HSPA4: variants seen among roughly 807,000 people sequenced by gnomAD.
HSPA4 encodes the protein heat shock 70 kDa protein 4.
HSPA4 carries 25 observed loss-of-function variants against 106.2 expected under a neutral mutation model. The ratio of observed to expected loss-of-function variants is 0.24; its 90% confidence interval spans 0.17 to 0.33. HSPA4 has a LOEUF of 0.33. Among genes scored for constraint, HSPA4 ranks in the 10% least tolerant of loss-of-function variants. The pLI is 1.00. For missense variants in HSPA4, 841 were observed against 996.0 expected, an observed-to-expected ratio of 0.84 and a Z score of 2.10; for synonymous variants, 332 against 333.6, an observed-to-expected ratio of 1.00 and a Z score of 0.05.
chr5:133,061,105 G>A (rs1278241033), intron 1 of HSPA4, among the ~76,000 whole-genome samples: 2 of 150,892 alleles, frequency 1.3e-5, no homozygotes, highest in East Asian at 3.9e-4. Flanking sequence ...CACATGCAGT[G>A]CATACATGTG....
intron 1 of HSPA4, among the ~76,000 whole-genome samples, chr5:133,053,911 C>T (rs1443604538): frequency 6.6e-6 from 1 of 151,894 alleles, no homozygotes; most frequent in Non-Finnish European, 1.5e-5. Context: ...CCTCCCGCCT[C>T]GGCCTCCCAA....
In HSPA4 at chr5:133,096,176, G is replaced by A. The variant is rs768843986; in HGVS notation, c.1729G>A (p.Val577Met). Residue 577 changes from valine to methionine, a missense_variant, in exon 14 of 19, where the codon GTG becomes ATG. Val to Met is a conservative substitution (Grantham distance 21). Coordinates refer to ENST00000304858, the MANE Select transcript of HSPA4 (RefSeq NM_002154.4). ...GAAGGCAAAAGTGAAGACCAGTACT[G>A]TGGACCTGCCAATCGAGAATCAGCT... ...AKKAKVKTST[V>M]DLPIENQLLW... 4.3e-6 allele frequency: 7 copies of A among 1,614,036 alleles called. No homozygotes were observed. The Admixed American group carries it at 1.2e-4, about 27-fold the overall frequency.
At chr5:133,067,651 A>G (rs1045285006) in intron 3 of HSPA4, 94 bp downstream of exon 3, 4 of 1,093,580 alleles carry the variant, frequency 3.7e-6, no homozygotes, top group Admixed American at 4.8e-5. Flanking sequence ...TCAGATTGCA[A>G]TGAAAATGCT....
At chr5:133,053,298 C>A (rs927633497) in intron 1 of HSPA4, among the ~76,000 whole-genome samples, 44 of 137,938 alleles carry the variant, frequency 3.2e-4, no homozygotes, top group Middle Eastern at 3.9e-3. Context: ...GTAAGAAGTT[C>A]TGTATTATTT....
chr5:133,056,667 A>G (rs986809340), intron 1 of HSPA4, among the ~76,000 whole-genome samples: 1 of 152,232 alleles, frequency 6.6e-6, no homozygotes, highest in Admixed American at 6.5e-5. Context: ...GTAGCCTTAC[A>G]TATTTATGTT....
chr5:133,073,959 G>A, intron 5 of HSPA4, 34 bp from the exon 6 acceptor site: 1 of 1,474,276 alleles, frequency 6.8e-7, no homozygotes, highest in Non-Finnish European at 9.1e-7. Context: ...TTACTTAGAC[G>A]TTATTTTTAA....
intron 15 of HSPA4, among the ~76,000 whole-genome samples, chr5:133,097,949 A>G (rs1765735626): frequency 6.7e-6 from 1 of 150,280 alleles, no homozygotes; most frequent in African/African-American, 2.5e-5. Flanking sequence ...TCTTGGGTAC[A>G]GGTGGTTTTT....
chr5:133,102,543 A>C (rs1186631225), intron 17 of HSPA4, among the ~76,000 whole-genome samples: 6 of 152,138 alleles, frequency 3.9e-5, no homozygotes, highest in Admixed American at 3.3e-4. Context: ...ATAAATTCCA[A>C]CTTATTGAAG....
rs755970303 is a variant in HSPA4 at position 133,088,570 on chromosome 5, T to C, written c.1137+15T>C. ...GTGCATTGCAGGTGAATATTCTTTCTTTTATAGGTAACCATTTATAAATCA... is the reference window on the plus strand; with the variant it reads ...GTGCATTGCAGGTGAATATTCTTTCCTTTATAGGTAACCATTTATAAATCA... On this transcript the variant is annotated intron_variant, in intron 9 of 18. Coordinates refer to ENST00000304858, the MANE Select transcript of HSPA4 (RefSeq NM_002154.4). 3 of 1,603,074 alleles carry C rather than the reference T, an allele frequency of 1.9e-6. No homozygotes were observed. The highest frequency in any genetic ancestry group is 2.6e-6 in the Non-Finnish European group (3 of 1,170,330).
chr5:133,093,437 T>C (rs1269549871), intron 13 of HSPA4, among the ~76,000 whole-genome samples: 5 of 152,152 alleles, frequency 3.3e-5, no homozygotes. Context: ...TGATAAACAA[T>C]AATGAAACTG....
At chr5:133,101,924 T>G in intron 17 of HSPA4, 46 bp downstream of exon 17, 1 of 633,798 alleles carries the variant, frequency 1.6e-6, no homozygotes, top group South Asian at 4.1e-5. Flanking sequence ...AAGTTAACTT[T>G]TTTTTTTTTT....
chr5:133,069,233 CATT>C (rs1433845705), intron 3 of HSPA4, among the ~76,000 whole-genome samples: 4 of 151,624 alleles, frequency 2.6e-5, no homozygotes, highest in South Asian at 4.2e-4. Context: ...AAGCTTTGTT[CATT>C]ATTGTTACTT....
chr5:133,098,751 C>T (rs1409631123), intron 15 of HSPA4, among the ~76,000 whole-genome samples: 8 of 152,100 alleles, frequency 5.3e-5, no homozygotes, highest in Admixed American at 3.9e-4. Flanking sequence ...TGGCTCACTG[C>T]AACCTCCACC....
Position 133,104,391 on chromosome 5 carries a change from G to A in HSPA4, c.2478G>A (p.Val826=). The A allele has an allele frequency of 1.2e-6, 2 of 1,614,158 alleles. No individual in the cohort carries two copies. Among genetic ancestry groups the A allele is most frequent in the East Asian group, 2.2e-5 (1 of 44,886 alleles). ...QAAEQGTDTA[V]PSDSDKKLPE... is the part of the protein sequence containing the mutation. ...CTGAGCAGGGTACAGACACAGCTGT[G>A]CCTTCGGATTCAGACAAGAAGCTTC... The change falls in exon 19 of 19, where the codon GTG becomes GTA. Residue 826 remains valine, a synonymous_variant. Coordinates refer to ENST00000304858, the MANE Select transcript of HSPA4 (RefSeq NM_002154.4).
Position 133,102,913 on chromosome 5 carries a change from C to CTTTTTT in HSPA4, c.2158-940_2158-935dup, listed in dbSNP as rs533273263. Among the ~76,000 whole-genome samples, 342 of 103,292 alleles carry CTTTTTT rather than the reference C, an allele frequency of 3.3e-3. 28 individuals carry two copies. The highest frequency in any genetic ancestry group is 0.014 in the African/African-American group (328 of 23,258). 67.8% of individuals were successfully genotyped at this position (103,292 alleles called of 152,430 possible). ...TACCACCACACCCAACTAGGGTTGT[C>CTTTTTT]TTTTTTTTTTTTTTTTTGAGATGGC... On this transcript the variant is annotated intron_variant, in intron 17 of 18. Transcript: ENST00000304858.
intron 12 of HSPA4, 132 bp downstream of exon 12, chr5:133,091,506 C>T (rs1765646973): frequency 3.2e-6 from 2 of 616,614 alleles, no homozygotes; most frequent in African/African-American, 3.7e-5. Flanking sequence ...TGTATGTTTG[C>T]CCTTCCCCCA....
At position 133,088,556 on chromosome 5, in the gene HSPA4, G is replaced by A; in HGVS notation, c.1137+1G>A. The A allele has an allele frequency of 1.2e-6, 2 of 1,611,780 alleles. No individual in the cohort carries two copies. The highest frequency in any genetic ancestry group is 8.5e-7 in the Non-Finnish European group (1 of 1,178,154). ...TGTCACTCGAGGCTGTGCATTGCAGGTGAATATTCTTTCTTTTATAGGTAA... is the reference window on the plus strand; with the variant it reads ...TGTCACTCGAGGCTGTGCATTGCAGATGAATATTCTTTCTTTTATAGGTAA... On this transcript the variant is annotated splice_donor_variant, in intron 9 of 18. Coordinates refer to ENST00000304858, the MANE Select transcript of HSPA4 (RefSeq NM_002154.4). LOFTEE classifies it high-confidence loss of function.
intron 1 of HSPA4, among the ~76,000 whole-genome samples, chr5:133,058,616 T>A (rs1765197460): frequency 6.6e-6 from 1 of 151,562 alleles, no homozygotes; most frequent in Admixed American, 6.6e-5. Flanking sequence ...AGGTGGAGGT[T>A]GCAGTGAGCT....
At chr5:133,092,613 A>G in intron 12 of HSPA4, 87 bp from the exon 13 acceptor site, 2 of 878,932 alleles carry the variant, frequency 2.3e-6, no homozygotes, top group Middle Eastern at 2.2e-4. Flanking sequence ...ATTCAGCAGG[A>G]ATTACATAAC....
Sources: allele counts gnomAD v4.1 joint callset (sites outside exome capture counted in the v4.1 genomes callset), GRCh38; gene constraint gnomAD v4.1.1; transcripts MANE v1.5; gene names NCBI Gene and HGNC (gene_info 2026-07-23, HGNC 2026-07-21).